Variants in HERC2 observed in about 807,000 individuals in gnomAD.
The protein encoded by HERC2 is E3 ubiquitin-protein ligase HERC2.
HERC2 carries 102 observed loss-of-function variants against 537.7 expected under a neutral mutation model. The ratio of observed to expected loss-of-function variants is 0.19; its 90% CI spans 0.16 to 0.22. HERC2 has a LOEUF of 0.22. Among genes scored for constraint, HERC2 ranks in the 10% least tolerant of loss-of-function variants. The pLI is 1.00. For missense variants in HERC2, 4,236 were observed against 6,198.2 expected, an observed-to-expected ratio of 0.68 and a Z score of 10.63; for synonymous variants, 2,224 against 2,466.2, an observed-to-expected ratio of 0.90 and a Z score of 2.91.
At chr15:28,238,556 A>T (rs1326701935) in intron 24 of HERC2, 46 bp downstream of exon 24, 3 of 1,485,596 alleles carry the variant, frequency 2.0e-6, no homozygotes. Context: ...GCTTAAAATG[A>T]TATAGGTTGT....
At chr15:28,250,939 T>G (rs1459664042) in intron 20 of HERC2, among the ~76,000 whole-genome samples, 1 of 152,252 alleles carries the variant, frequency 6.6e-6, no homozygotes, top group Non-Finnish European at 1.5e-5. Flanking sequence ...GTGTCTATTC[T>G]TTTTATTTTG....
intron 2 of HERC2, among the ~76,000 whole-genome samples, chr15:28,300,912 A>C (rs1243974963): frequency 6.7e-6 from 1 of 148,828 alleles, no homozygotes; most frequent in African/African-American, 2.5e-5. Context: ...AAACAACTTA[A>C]ATTGGAAATC....
At chr15:28,133,724 G>C (rs1007110680) in intron 79 of HERC2, among the ~76,000 whole-genome samples, 1 of 152,206 alleles carries the variant, frequency 6.6e-6, no homozygotes, top group African/African-American at 2.4e-5. Context: ...TGAACTGGCT[G>C]TGCACTCGTA....
intron 69 of HERC2, among the ~76,000 whole-genome samples, chr15:28,162,132 C>G (rs1284246929): frequency 5.3e-5 from 8 of 152,026 alleles, no homozygotes; most frequent in Admixed American, 3.3e-4. Context: ...CAGTTCCAGA[C>G]CAGCCGGGCC....
rs36068402 is a variant in HERC2 at position 28,129,780 on chromosome 15, C to CTTTTTTTTTTTTTTTT, written c.12802+367_12802+382dup. Reference sequence around the variant, plus strand: ...AGGACACAGTATAAGCCTCTGCCTCCTTTTTTTTTTTTTTTTTGAGACAGT... The same window carrying CTTTTTTTTTTTTTTTT: ...AGGACACAGTATAAGCCTCTGCCTCCTTTTTTTTTTTTTTTTTTTTTTTTTTTTTTTTTGAGACAGT... On this transcript the variant is annotated intron_variant, in intron 83 of 92. Coordinates refer to ENST00000261609, the MANE Select transcript of HERC2 (RefSeq NM_004667.6). 1.4e-5 allele frequency among the ~76,000 whole-genome samples: 2 copies of CTTTTTTTTTTTTTTTT among 143,552 alleles called. 1 individual carries two copies. Among genetic ancestry groups the CTTTTTTTTTTTTTTTT allele is most frequent in the Non-Finnish European group, 3.0e-5 (2 of 65,892 alleles). The allele number at this position is 143,552 out of a possible 152,430, so 94.2% of individuals were successfully genotyped here.
rs1158576924 is a variant in HERC2, at chr15:28,229,393, C to G, written c.5121-47G>C. ...TTTGACTTGGGACACTGCCAGACTT[C>G]TGTTACAGAACAACATTTTGTTGCC... On this transcript the variant is annotated intron_variant, in intron 33 of 92. Transcript: ENST00000261609. The G allele has an allele frequency of 3.7e-6, 6 of 1,613,444 alleles. No individual in the cohort carries two copies. The South Asian group carries it at 6.6e-5, about 18-fold the overall frequency.
At chr15:28,315,473 AACT>A (rs2077057054) in intron 2 of HERC2, among the ~76,000 whole-genome samples, 1 of 152,248 alleles carries the variant, frequency 6.6e-6, no homozygotes, top group Non-Finnish European at 1.5e-5. Flanking sequence ...CTTTTAAAAT[AACT>A]ACCTTTAATA....
intron 71 of HERC2, among the ~76,000 whole-genome samples, chr15:28,145,972 G>A (rs565314007): frequency 2.0e-5 from 3 of 152,148 alleles, no homozygotes; most frequent in Admixed American, 1.3e-4. Context: ...CACCTCACAC[G>A]TCTCCAGCAC....
At chr15:28,288,371 A>G (rs565097870) in intron 4 of HERC2, among the ~76,000 whole-genome samples, 2 of 149,306 alleles carry the variant, frequency 1.3e-5, no homozygotes, top group Middle Eastern at 3.4e-3. Flanking sequence ...ACTCAAAAAT[A>G]CAAAATTAGC....
At chr15:28,223,577 T>G (rs3940272) in intron 35 of HERC2, among the ~76,000 whole-genome samples, 98,507 of 152,024 alleles carry the variant, frequency 0.65, 37,191 homozygotes, top group Non-Finnish European at 0.86. Flanking sequence ...TCTCCCAGGA[T>G]CCCCTGGGCA....
In HERC2 at chr15:28,211,762, C is replaced by G. The variant is rs755551090; in HGVS notation, c.6926-617G>C. On this transcript the variant is annotated intron_variant, in intron 43 of 92. Transcript: ENST00000261609. ...TGCATGCACTGCACCTCCAACCAGACATGTGAATGGGAGATCCAGAGTTGA... is the reference window on the plus strand; with the variant it reads ...TGCATGCACTGCACCTCCAACCAGAGATGTGAATGGGAGATCCAGAGTTGA... Among the ~76,000 whole-genome samples, 211 of 152,300 alleles carry G rather than the reference C, an allele frequency of 1.4e-3. 1 individual carries two copies. Among genetic ancestry groups the G allele is most frequent in the Admixed American group, 3.1e-3 (48 of 15,300 alleles).
chr15:28,130,137 T>C (rs1889955874), intron 83 of HERC2, 26 bp downstream of exon 83: 1 of 1,613,372 alleles, frequency 6.2e-7, no homozygotes, highest in African/African-American at 1.3e-5. Context: ...CAGGCCTCAG[T>C]CCTGCGGCAC....
At chr15:28,201,606 T>A in intron 47 of HERC2, 52 bp from the exon 48 acceptor site, 1 of 1,109,156 alleles carries the variant, frequency 9.0e-7, no homozygotes, top group Non-Finnish European at 1.4e-6. Context: ...ATGATAAACC[T>A]ACTCAAAAAG....
In HERC2 at chr15:28,113,376, T is replaced by C; in HGVS notation, c.14020-93A>G. The C allele has an allele frequency of 7.3e-7, 1 of 1,366,306 alleles. No individual in the cohort carries two copies. Among genetic ancestry groups the C allele is most frequent in the East Asian group, 2.4e-5 (1 of 41,394 alleles). The allele number at this position is 1,366,306 out of a possible 1,614,324, so 84.6% of individuals were successfully genotyped here. The stretch of plus-strand genomic sequence containing the variant: ...CGCTCCCTCTCTACACCAAGGCCTG[T>C]TTGGGGTGGGGAAAGGTCTGGGGGC... On this transcript the variant is annotated intron_variant, in intron 91 of 92. Transcript: ENST00000261609. The surrounding 1 kb of genome is among the most constrained non-coding windows in gnomAD (Gnocchi z 7.0).
intron 3 of HERC2, among the ~76,000 whole-genome samples, chr15:28,297,587 C>T (rs186550430): frequency 1.3e-4 from 19 of 151,532 alleles, no homozygotes; most frequent in African/African-American, 4.6e-4. Flanking sequence ...AAGCACTAAA[C>T]AGAGTGAAAG....
At position 28,313,447 on chromosome 15, in the gene HERC2, C is replaced by T. The variant is rs1301282272; in HGVS notation, c.72+7915G>A. On this transcript the variant is annotated intron_variant, in intron 2 of 92. Coordinates refer to ENST00000261609, the MANE Select transcript of HERC2 (RefSeq NM_004667.6). Reference sequence around the variant, plus strand: ...ACCCGCCTCGGCCTGGGATTACAGGCGGGAGCCACCGCACCCAGCCCGTTA... The same window carrying T: ...ACCCGCCTCGGCCTGGGATTACAGGTGGGAGCCACCGCACCCAGCCCGTTA... Among the ~76,000 whole-genome samples the T allele has an allele frequency of 3.7e-3, 564 of 150,920 alleles. 2 individuals carry two copies. The highest frequency in any genetic ancestry group is 0.013 in the African/African-American group (530 of 41,064).
intron 2 of HERC2, among the ~76,000 whole-genome samples, chr15:28,318,171 T>C (rs982016608): frequency 2.0e-5 from 3 of 152,182 alleles, no homozygotes; most frequent in African/African-American, 7.2e-5. Flanking sequence ...AACTGACGTT[T>C]TGGTTTGCTA....
At chr15:28,125,804 G>C (rs1394212617) in intron 83 of HERC2, among the ~76,000 whole-genome samples, 2 of 152,058 alleles carry the variant, frequency 1.3e-5, no homozygotes, top group Non-Finnish European at 1.5e-5. Flanking sequence ...CTCCCAAAGT[G>C]TTGGGATTAC....
At chr15:28,236,505 G>A (rs1902475391) in intron 26 of HERC2, among the ~76,000 whole-genome samples, 1 of 151,918 alleles carries the variant, frequency 6.6e-6, no homozygotes, top group South Asian at 2.1e-4. Context: ...TGGCCAGGCT[G>A]GTCTTGAACT....
Sources: allele counts gnomAD v4.1 joint callset (sites outside exome capture counted in the v4.1 genomes callset), GRCh38; gene constraint gnomAD v4.1.1; non-coding constraint Gnocchi (gnomAD v3.1); transcripts MANE v1.5; gene names NCBI Gene and HGNC (gene_info 2026-07-23, HGNC 2026-07-21).